NAXD: variants seen among roughly 807,000 people sequenced by gnomAD.
NAXD encodes the protein ATP-dependent (S)-NAD(P)H-hydrate dehydratase.
Under a neutral mutation model 35.8 loss-of-function variants are expected in NAXD, and 22 were observed. The observed-to-expected ratio is 0.62, with a 90% CI of 0.44 to 0.88. NAXD has a LOEUF of 0.88. Among genes scored for constraint, NAXD ranks in the 40% least tolerant of loss-of-function variants. The pLI is 0.00. For synonymous variants in NAXD, 189 were observed against 177.6 expected, an observed-to-expected ratio of 1.06 and a Z score of -0.51; for missense variants, 428 against 437.7, an observed-to-expected ratio of 0.98 and a Z score of 0.20.
intron 5 of NAXD, 43 bp from the exon 6 acceptor site, chr13:110,634,502 T>C (rs1321321393): frequency 1.2e-6 from 2 of 1,602,454 alleles, no homozygotes; most frequent in South Asian, 2.2e-5. Context: ...ACCCACACCA[T>C]AGCAGCAGGC....
intron 1 of NAXD, among the ~76,000 whole-genome samples, chr13:110,621,094 A>C (rs555993356): frequency 6.6e-6 from 1 of 152,296 alleles, no homozygotes; most frequent in African/African-American, 2.4e-5. Flanking sequence ...CTTTGAACCC[A>C]ATTTAAGAGG....
At position 110,637,125 on chromosome 13, in the gene NAXD, GC is replaced by G; in HGVS notation, c.719-3del. On this transcript the variant is annotated splice_region_variant and splice_polypyrimidine_tract_variant and intron_variant, in intron 8 of 9. Coordinates refer to ENST00000680254, the MANE Select transcript of NAXD (RefSeq NM_001242882.2). ...ACACCTGCTCTCACTTCTGCCCTGT[GC>G]AGTGCTTGTGTGCAGCCAGGAAGGC... 6.2e-7 allele frequency: 1 copy of G among 1,612,396 alleles called. No individual in the cohort carries two copies. The highest frequency in any genetic ancestry group is 8.5e-7 in the Non-Finnish European group (1 of 1,179,506).
Position 110,638,982 on chromosome 13 carries a change from G to A in NAXD, c.*454G>A, listed in dbSNP as rs916667232. The A allele has an allele frequency of 5.7e-6, 2 of 352,082 alleles. No homozygotes were observed. Among genetic ancestry groups the A allele is most frequent in the Admixed American group, 3.8e-5 (1 of 26,216 alleles). The allele number at this position is 352,082 out of a possible 1,614,324, so 21.8% of individuals were successfully genotyped here. Reference sequence around the variant, plus strand: ...GGCAGGGGTCCCCGGGTGTCTCCCTGAGTCCCGACTGCACTGACTGGGTCC... The same window carrying A: ...GGCAGGGGTCCCCGGGTGTCTCCCTAAGTCCCGACTGCACTGACTGGGTCC... On this transcript the variant is annotated 3_prime_UTR_variant, in exon 10 of 10. Transcript: ENST00000680254. This position sits in a 1 kb window ranked among gnomAD's most constrained non-coding sequence, Gnocchi z 5.4.
intron 9 of NAXD, chr13:110,637,911 C>A (rs77982490): frequency 6.2e-5 from 31 of 503,498 alleles, no homozygotes; most frequent in Non-Finnish European, 1.1e-4. Flanking sequence ...ATTTGAGAGC[C>A]GAGGAGGTAG....
At chr13:110,617,341 C>T (rs1381385463) in intron 1 of NAXD, among the ~76,000 whole-genome samples, 1 of 152,248 alleles carries the variant, frequency 6.6e-6, no homozygotes, top group African/African-American at 2.4e-5. Context: ...TTAACCTGTT[C>T]TTCCAGACTC....
Position 110,638,642 on chromosome 13 carries a change from A to C in NAXD, c.*114A>C, listed in dbSNP as rs773854650. ...GCGTACGGTGCTTGCCAGATTTTCA[A>C]CTTGAGCATAAATTGGTTGCCATTG... On this transcript the variant is annotated 3_prime_UTR_variant, in exon 10 of 10. Coordinates refer to ENST00000680254, the MANE Select transcript of NAXD (RefSeq NM_001242882.2). The surrounding 1 kb of genome is among the most constrained non-coding windows in gnomAD (Gnocchi z 5.4). The C allele has an allele frequency of 1.6e-6, 2 of 1,231,654 alleles. No homozygotes were observed. The highest frequency in any genetic ancestry group is 2.3e-6 in the Non-Finnish European group (2 of 852,184). 76.3% of individuals were successfully genotyped at this position (1,231,654 alleles called of 1,614,324 possible).
chr13:110,637,713 G>T, intron 9 of NAXD: 1 of 459,286 alleles, frequency 2.2e-6, no homozygotes, highest in South Asian at 1.6e-5. Flanking sequence ...AATGCAAGCA[G>T]TTCCCATACC....
In NAXD at chr13:110,625,204, C is replaced by T. The variant is rs1382195770; in HGVS notation, c.258C>T (p.Ser86=). Reference sequence around the variant, plus strand: ...TCCTTCATCAGGGCGCAGACTTGTCCCACGTGTTCTGTGCCAGTGCGGCCG... The same window carrying T: ...TCCTTCATCAGGGCGCAGACTTGTCTCACGTGTTCTGTGCCAGTGCGGCCG... ...ISALKVGADL[S]HVFCASAAAP... Residue 86 remains serine, a synonymous_variant, in exon 4 of 10, where the codon TCC becomes TCT. Transcript: ENST00000680254. 6.2e-7 allele frequency: 1 copy of T among 1,613,654 alleles called. No homozygotes were observed. Among genetic ancestry groups the T allele is most frequent in the Non-Finnish European group, 8.5e-7 (1 of 1,179,640 alleles).
chr13:110,622,206 T>C lies in NAXD; in HGVS notation c.47-10T>C. ...ACCTTTCTGAATTATTCATTTTTCT[T>C]GTCTTTCAGTTTTAGAAAGAGCGTT... On this transcript the variant is annotated splice_polypyrimidine_tract_variant and intron_variant, in intron 1 of 9. Coordinates refer to ENST00000680254, the MANE Select transcript of NAXD (RefSeq NM_001242882.2). The C allele has an allele frequency of 6.2e-7, 1 of 1,606,588 alleles. No individual in the cohort carries two copies. Among genetic ancestry groups the C allele is most frequent in the Non-Finnish European group, 8.5e-7 (1 of 1,175,542 alleles).
chr13:110,615,587 C>G lies in NAXD; in HGVS notation c.-15C>G. ...CGACGGCGCGGGGGCAGCTGGGAATCCGGAATGCTGCCCGATGGCCCTGGG... is the reference window on the plus strand; with the variant it reads ...CGACGGCGCGGGGGCAGCTGGGAATGCGGAATGCTGCCCGATGGCCCTGGG... On this transcript the variant is annotated 5_prime_UTR_variant, in exon 1 of 10. It adds an upstream start codon to the 5' untranslated region. Transcript: ENST00000680254. 1 of 1,359,130 alleles carries G rather than the reference C, an allele frequency of 7.4e-7. No individual in the cohort carries two copies. The highest frequency in any genetic ancestry group is 9.5e-7 in the Non-Finnish European group (1 of 1,055,354). The allele number at this position is 1,359,130 out of a possible 1,614,324, so 84.2% of individuals were successfully genotyped here. A position where few individuals can be genotyped will look rare whatever the true frequency, so the allele number is the denominator to read the frequency against.
rs528500456 is a variant in NAXD at position 110,635,494 on chromosome 13, C to T, written c.624C>T (p.Asp208=). 342 of 1,614,098 alleles carry T rather than the reference C, an allele frequency of 2.1e-4. 2 individuals are homozygous for T. In the South Asian group the frequency reaches 3.6e-3, roughly 17 times the overall value. ...TCAGAGGCCCTATGGACAGCGATGA[C>T]AGCCATGGATCTGTGCTAAGACTCA... ...AVLRGPMDSD[D]SHGSVLRLSQ... The change falls in exon 8 of 10, where the codon GAC becomes GAT. Residue 208 remains aspartate, a synonymous_variant. Coordinates refer to ENST00000680254, the MANE Select transcript of NAXD (RefSeq NM_001242882.2).
chr13:110,619,095 C>T (rs909721407), intron 1 of NAXD, among the ~76,000 whole-genome samples: 3 of 152,210 alleles, frequency 2.0e-5, no homozygotes, highest in Non-Finnish European at 2.9e-5. Context: ...CACCTGGACT[C>T]GTGGCTGCAG....
chr13:110,635,417 G>T (rs1436242647), intron 7 of NAXD, 51 bp from the exon 8 acceptor site: 7 of 1,596,980 alleles, frequency 4.4e-6, no homozygotes, highest in Non-Finnish European at 6.0e-6. Flanking sequence ...ATCTGTCGTC[G>T]TGTGTCTGAG....
At chr13:110,633,069 G>A (rs1176599415) in intron 5 of NAXD, among the ~76,000 whole-genome samples, 3 of 152,158 alleles carry the variant, frequency 2.0e-5, no homozygotes, top group Admixed American at 6.5e-5. Flanking sequence ...ACTGGGTGCC[G>A]TGGAGCAGGG....
At chr13:110,624,424 C>T (rs1202940425) in intron 3 of NAXD, 145 bp downstream of exon 3, 6 of 606,766 alleles carry the variant, frequency 9.9e-6, no homozygotes, top group East Asian at 5.6e-5. Context: ...TTAAGTCTAT[C>T]CTGACATCTG....
chr13:110,633,120 A>G (rs1305848645), intron 5 of NAXD, among the ~76,000 whole-genome samples: 21 of 152,018 alleles, frequency 1.4e-4, no homozygotes, highest in African/African-American at 3.6e-4. Context: ...ACAGGAGCCC[A>G]TGGAGGGGGT....
In NAXD at chr13:110,634,747, G is replaced by A. The variant is rs777523753; in HGVS notation, c.568G>A (p.Val190Met). 1.9e-5 allele frequency: 31 copies of A among 1,613,848 alleles called. No individual in the cohort carries two copies. The highest frequency in any genetic ancestry group is 1.5e-4 in the South Asian group (14 of 91,088). ...YRKAVLTPNH[V>M]EFSRLYDAVL... ...GAAGGCTGTGCTCACTCCCAACCAC[G>A]TGGAGTTCAGCAGACTGTATGACGC... Residue 190 changes from valine to methionine, a missense_variant, in exon 7 of 10, where the codon GTG (valine) becomes ATG (methionine). This residue lies in a region of NAXD where 209 missense variants were observed against 214.6 expected (regional missense o/e 0.97). Transcript: ENST00000680254.
intron 2 of NAXD, among the ~76,000 whole-genome samples, chr13:110,623,745 G>A (rs190688921): frequency 5.9e-5 from 9 of 152,314 alleles, no homozygotes; most frequent in East Asian, 5.8e-4. Context: ...GCTCATGCCC[G>A]TCATCTTAGC....
chr13:110,635,705 C>A, intron 8 of NAXD, 117 bp downstream of exon 8: 1 of 1,194,868 alleles, frequency 8.4e-7, no homozygotes, highest in South Asian at 1.4e-5. Flanking sequence ...CACATTCACA[C>A]AGGGATTCCT....
Sources: gnomAD v4.1 joint callset for allele counts (sites outside exome capture counted in the v4.1 genomes callset) on GRCh38, gnomAD v4.1.1 for gene constraint, gnomAD v4.1.1 regional missense constraint, Gnocchi (gnomAD v3.1) non-coding constraint, MANE v1.5 for transcripts, NCBI Gene and HGNC (gene_info 2026-07-23, HGNC 2026-07-21) for gene names.